The following CLVS1 variants were observed in gnomAD, a reference collection of about 807,000 sequenced individuals.
CLVS1 encodes the protein clavesin 1, also known as clavesin-1.
CLVS1 carries 10 observed loss-of-function variants against 33.1 expected under a neutral mutation model. The ratio of observed to expected loss-of-function variants is 0.30; its 90% CI spans 0.19 to 0.51. The LOEUF is 0.51. CLVS1 is among the 20% of genes least tolerant of loss of function. CLVS1 has a pLI of 0.97. For synonymous variants in CLVS1, 163 were observed against 166.1 expected (o/e 0.98, Z 0.14); for missense variants, 343 against 433.4 (o/e 0.79, Z 1.85).
chr8:61,301,787 C>G (rs1810446207), intron 2 of CLVS1, among the ~76,000 whole-genome samples: 1 of 152,128 alleles, frequency 6.6e-6, no homozygotes. Context: ...TGTGTGTATA[C>G]TTTGTGTATT....
At chr8:61,145,547 G>C (rs1053133324) in intron 2 of CLVS1, among the ~76,000 whole-genome samples, 1 of 152,178 alleles carries the variant, frequency 6.6e-6, no homozygotes, top group Admixed American at 6.5e-5. Context: ...CAGGTCCTTG[G>C]GGGCATCTTG....
chr8:61,423,609 A>AT (rs1815767321), intron 3 of CLVS1, among the ~76,000 whole-genome samples: 1 of 152,188 alleles, frequency 6.6e-6, no homozygotes, highest in Non-Finnish European at 1.5e-5. Context: ...AGCGCCCTAA[A>AT]TCTCACCAAG....
At chr8:61,408,837 A>G (rs1385231927) in intron 3 of CLVS1, among the ~76,000 whole-genome samples, 2 of 152,200 alleles carry the variant, frequency 1.3e-5, no homozygotes, top group Non-Finnish European at 2.9e-5. Flanking sequence ...ACAGTGATCT[A>G]TAGAGTAAAA....
intron 5 of CLVS1, among the ~76,000 whole-genome samples, chr8:61,480,457 C>T (rs1023725072): frequency 6.6e-6 from 1 of 152,124 alleles, no homozygotes; most frequent in Non-Finnish European, 1.5e-5. Flanking sequence ...GTGGGAGTGA[C>T]CTGATTTTCC....
At chr8:61,341,198 C>T (rs1472362561) in intron 2 of CLVS1, among the ~76,000 whole-genome samples, 1 of 152,188 alleles carries the variant, frequency 6.6e-6, no homozygotes, top group East Asian at 1.9e-4. Context: ...CCAGCCACCA[C>T]AACAAAATGA....
At chr8:61,412,573 T>C (rs534581524) in intron 3 of CLVS1, among the ~76,000 whole-genome samples, 1 of 152,362 alleles carries the variant, frequency 6.6e-6, no homozygotes, top group African/African-American at 2.4e-5. Flanking sequence ...TCCTTACTTG[T>C]GCACAGCTCA....
chr8:61,355,429 T>A (rs1563512728), intron 2 of CLVS1, among the ~76,000 whole-genome samples: 1 of 152,124 alleles, frequency 6.6e-6, no homozygotes, highest in Non-Finnish European at 1.5e-5. Flanking sequence ...TTATTATTAT[T>A]ATACTTAAAG....
chr8:61,426,022 G>A (rs1210024477), intron 3 of CLVS1, among the ~76,000 whole-genome samples: 1 of 152,132 alleles, frequency 6.6e-6, no homozygotes, highest in Non-Finnish European at 1.5e-5. Context: ...TATGCCTGTG[G>A]CCTACAAGTT....
At chr8:61,016,475 T>C in the CLVS1 span, among the ~76,000 whole-genome samples, 2 of 152,180 alleles carry the variant, frequency 1.3e-5, no homozygotes, top group African/African-American at 4.8e-5. Context: ...CAAAAGACAA[T>C]GTAAATGACA....
chr8:61,147,136 A>G (rs1191913710), intron 2 of CLVS1, among the ~76,000 whole-genome samples: 1 of 152,224 alleles, frequency 6.6e-6, no homozygotes, highest in Non-Finnish European at 1.5e-5. Flanking sequence ...GCAGGTGAAC[A>G]GACTGGGCAT....
chr8:61,334,794 G>A (rs1036654662), intron 2 of CLVS1, among the ~76,000 whole-genome samples: 1 of 152,144 alleles, frequency 6.6e-6, no homozygotes, highest in Admixed American at 6.5e-5. Flanking sequence ...AACTGTAACT[G>A]CCCAAGGGGT....
At chr8:61,272,084 AG>A (rs1809452727) in intron 2 of CLVS1, among the ~76,000 whole-genome samples, 1 of 149,132 alleles carries the variant, frequency 6.7e-6, no homozygotes, top group African/African-American at 2.5e-5. Flanking sequence ...GTTTCTTCCT[AG>A]TCTCGATGGT....
chr8:61,368,350 G>T (rs963471548), intron 2 of CLVS1, among the ~76,000 whole-genome samples: 9 of 152,238 alleles, frequency 5.9e-5, no homozygotes, highest in African/African-American at 1.9e-4. Context: ...GAGATGGATA[G>T]GCCTGCCAGG....
At chr8:61,422,860 C>G (rs767817910) in intron 3 of CLVS1, among the ~76,000 whole-genome samples, 1 of 152,144 alleles carries the variant, frequency 6.6e-6, no homozygotes, top group Non-Finnish European at 1.5e-5. Flanking sequence ...TAGCTGTGTT[C>G]CCTGGTCTAC....
rs185112781 is a variant in CLVS1 at position 61,087,223 on chromosome 8, A to G, written c.-243+29993A>G. Among the ~76,000 whole-genome samples the G allele has an allele frequency of 7.0e-4, 107 of 152,330 alleles. 1 individual carries two copies. The highest frequency in any genetic ancestry group is 2.3e-3 in the African/African-American group (97 of 41,578). ...TGTGGATTGCACAGGCCAGAGGGCT[A>G]TGGTCTATCAGTGGTCCAGCAGAAT... On this transcript the variant is annotated intron_variant, in intron 1 of 2. Transcript: ENST00000522621.
chr8:61,262,550 G>T (rs1809226994), intron 2 of CLVS1, among the ~76,000 whole-genome samples: 1 of 152,132 alleles, frequency 6.6e-6, no homozygotes, highest in African/African-American at 2.4e-5. Flanking sequence ...AATTGAGAAG[G>T]TTTTTTATTA....
At chr8:61,152,878 A>G (rs910669551) in intron 2 of CLVS1, among the ~76,000 whole-genome samples, 4 of 152,206 alleles carry the variant, frequency 2.6e-5, no homozygotes, top group African/African-American at 4.8e-5. Flanking sequence ...AATGGTGAGT[A>G]GTAGATTAGG....
chr8:61,225,780 C>T lies in CLVS1; in HGVS notation c.-151-73897C>T, dbSNP rs1398950485. Among the ~76,000 whole-genome samples the T allele has an allele frequency of 1.3e-5, 2 of 152,188 alleles. 1 individual carries two copies. Among genetic ancestry groups the T allele is most frequent in the African/African-American group, 4.8e-5 (2 of 41,440 alleles). On this transcript the variant is annotated intron_variant, in intron 2 of 2. Transcript: ENST00000522621. ...ATGTACAATGGTCTGAGCCACTTAC[C>T]TGGACAGTACCACCCAGGGAAAATG... is the stretch of plus-strand genomic sequence containing the variant.
At chr8:61,080,856 G>A (rs887979717) in intron 1 of CLVS1, among the ~76,000 whole-genome samples, 4 of 152,210 alleles carry the variant, frequency 2.6e-5, no homozygotes, top group Admixed American at 6.5e-5. Flanking sequence ...AAGTGAGCCA[G>A]CAAGAGTTAG....
Sources: allele counts gnomAD v4.1 joint callset (sites outside exome capture counted in the v4.1 genomes callset), GRCh38; gene constraint gnomAD v4.1.1; transcripts MANE v1.5; gene names NCBI Gene and HGNC (gene_info 2026-07-23, HGNC 2026-07-21).